Variants in FBXO4 observed in about 807,000 individuals in gnomAD.
FBXO4 encodes F-box protein 4.
FBXO4 carries 36 observed loss-of-function variants against 43.7 expected under a neutral mutation model. That is an observed-to-expected ratio of 0.82 (90% CI 0.63 to 1.09). FBXO4 has a LOEUF of 1.09. Ranked by LOEUF, FBXO4 falls within the 50% of genes least tolerant of loss-of-function variation. The pLI is 0.00. For missense variants in FBXO4, 435 were observed against 474.1 expected, an observed-to-expected ratio of 0.92 and a Z score of 0.77; for synonymous variants, 180 against 165.6, an observed-to-expected ratio of 1.09 and a Z score of -0.67.
At chr5:42,005,387 T>C in the FBXO4 span, among the ~76,000 whole-genome samples, 2 of 152,210 alleles carry the variant, frequency 1.3e-5, no homozygotes, top group African/African-American at 4.8e-5. Flanking sequence ...CCAACTTGGC[T>C]TATCTTGAAA....
rs1489030004 is a variant in FBXO4, at chr5:41,939,335, G to C, written c.899-106G>C. 6 of 1,000,172 alleles carry C rather than the reference G, an allele frequency of 6.0e-6. No individual in the cohort carries two copies. The Admixed American group carries it at 7.2e-5, about 12-fold the overall frequency. 62.0% of individuals were successfully genotyped at this position (1,000,172 alleles called of 1,614,324 possible). On this transcript the variant is annotated intron_variant, in intron 5 of 6. Coordinates refer to ENST00000281623, the MANE Select transcript of FBXO4 (RefSeq NM_012176.3). The stretch of plus-strand genomic sequence containing the variant: ...GATTTTTTTCCCTCAGTTTATGTTT[G>C]GATCCTGGTAAATTTTTGTTCCCTC...
chr5:41,986,654 T>C, the FBXO4 span, among the ~76,000 whole-genome samples: 4 of 152,264 alleles, frequency 2.6e-5, no homozygotes, highest in Admixed American at 2.0e-4. Flanking sequence ...ATGTGAACTT[T>C]TGAACTTTGT....
the FBXO4 span, among the ~76,000 whole-genome samples, chr5:41,949,650 T>C: frequency 3.9e-5 from 6 of 152,220 alleles, no homozygotes; most frequent in African/African-American, 1.4e-4. Context: ...CAAGGTATTT[T>C]ACAGATTCAA....
the FBXO4 span, among the ~76,000 whole-genome samples, chr5:41,964,451 C>A: frequency 6.6e-6 from 1 of 151,658 alleles, no homozygotes; most frequent in Non-Finnish European, 1.5e-5. Context: ...TGATTAAAAT[C>A]AATATTAACT....
the FBXO4 span, among the ~76,000 whole-genome samples, chr5:41,957,313 G>A: frequency 6.6e-6 from 1 of 150,880 alleles, no homozygotes. Context: ...TTCTCTTTGT[G>A]TTTTAGTCTG....
At chr5:42,001,428 C>T in the FBXO4 span, among the ~76,000 whole-genome samples, 29 of 152,274 alleles carry the variant, frequency 1.9e-4, no homozygotes, top group Admixed American at 5.9e-4. Flanking sequence ...GACGGGGTTT[C>T]GCCATGTTGG....
chr5:41,962,170 A>C, the FBXO4 span, among the ~76,000 whole-genome samples: 1 of 152,204 alleles, frequency 6.6e-6, no homozygotes, highest in East Asian at 1.9e-4. Flanking sequence ...TGATATATGC[A>C]TATGAAAGTT....
the FBXO4 span, among the ~76,000 whole-genome samples, chr5:42,024,121 C>T: frequency 2.0e-5 from 3 of 152,024 alleles, no homozygotes; most frequent in Admixed American, 6.6e-5. Context: ...CACTAATAGC[C>T]TTCACAGCCT....
the FBXO4 span, among the ~76,000 whole-genome samples, chr5:41,977,029 C>T: frequency 6.6e-6 from 1 of 152,274 alleles, no homozygotes; most frequent in South Asian, 2.1e-4. Context: ...CAAGCTGTAC[C>T]TGGGTCCTGT....
chr5:41,941,323 A>AT lies in FBXO4; in HGVS notation c.*44dup. The AT allele has an allele frequency of 6.5e-7, 1 of 1,547,594 alleles. No homozygotes were observed. The highest frequency in any genetic ancestry group is 1.1e-5 in the South Asian group (1 of 89,562). On this transcript the variant is annotated 3_prime_UTR_variant, in exon 7 of 7. Transcript: ENST00000281623. ...TGGGAACTGAAACCATTTGAAATTT[A>AT]TTACTAAGGTCGTGATGTGAATATT...
At chr5:41,967,973 C>G in the FBXO4 span, 1 of 483,340 alleles carries the variant, frequency 2.1e-6, no homozygotes, top group Non-Finnish European at 4.3e-6. Context: ...CTGACCAGAG[C>G]CACGCTCAGG....
chr5:41,935,216 A>G (rs1207359714), intron 5 of FBXO4: 1 of 856,656 alleles, frequency 1.2e-6, no homozygotes, highest in Non-Finnish European at 1.4e-6. Flanking sequence ...AAACAAGCAC[A>G]CAAAAAATAA....
At chr5:41,974,664 T>C in the FBXO4 span, among the ~76,000 whole-genome samples, 9 of 152,218 alleles carry the variant, frequency 5.9e-5, no homozygotes, top group Non-Finnish European at 1.2e-4. Flanking sequence ...ATCCTGCATG[T>C]TGTTCACCTT....
At chr5:42,033,890 T>C in the FBXO4 span, among the ~76,000 whole-genome samples, 1 of 152,216 alleles carries the variant, frequency 6.6e-6, no homozygotes, top group African/African-American at 2.4e-5. Flanking sequence ...ATGGGATTGC[T>C]GAGTAAAATG....
chr5:41,937,436 C>T (rs1751878407), intron 5 of FBXO4, among the ~76,000 whole-genome samples: 1 of 152,040 alleles, frequency 6.6e-6, no homozygotes, highest in African/African-American at 2.4e-5. Context: ...AAAATAAAGG[C>T]AATGTTAAGA....
chr5:42,020,602 G>A, the FBXO4 span, among the ~76,000 whole-genome samples: 4 of 152,180 alleles, frequency 2.6e-5, no homozygotes, highest in Non-Finnish European at 4.4e-5. Context: ...AATAACGCCA[G>A]CAAGGAACGA....
intron 3 of FBXO4, among the ~76,000 whole-genome samples, chr5:41,931,294 T>A (rs1010417838): frequency 6.6e-6 from 1 of 152,226 alleles, no homozygotes; most frequent in African/African-American, 2.4e-5. Flanking sequence ...AGTAAGGATA[T>A]AAAATTGACA....
In FBXO4 at chr5:41,939,515, T is replaced by G; in HGVS notation, c.973T>G (p.Leu325Val). ...DPAFGSSGRPLLVLSCISQGD... is the reference protein window; with the variant it reads ...DPAFGSSGRPVLVLSCISQGD... ...AGCCTTTGGGTCTTCGGGAAGACCA[T>G]TGTTGGTTTTATCTTGTATTTCTCA... is the stretch of plus-strand genomic sequence containing the variant. The change falls in exon 6 of 7, where the codon TTG (leucine) becomes GTG (valine). Residue 325 changes from leucine (L) to valine (V), a missense_variant. Coordinates refer to ENST00000281623, the MANE Select transcript of FBXO4 (RefSeq NM_012176.3). 1 of 1,613,490 alleles carries G rather than the reference T, an allele frequency of 6.2e-7. No individual in the cohort carries two copies. Among genetic ancestry groups the G allele is most frequent in the Non-Finnish European group, 8.5e-7 (1 of 1,179,502 alleles).
At chr5:41,930,715 TG>T (rs1751661704) in intron 3 of FBXO4, among the ~76,000 whole-genome samples, 2 of 151,314 alleles carry the variant, frequency 1.3e-5, no homozygotes, top group South Asian at 4.2e-4. Flanking sequence ...TTGCCCAGGC[TG>T]GAGTGCAGTG....
Sources: allele counts gnomAD v4.1 joint callset (sites outside exome capture counted in the v4.1 genomes callset), GRCh38; gene constraint gnomAD v4.1.1; transcripts MANE v1.5; gene names NCBI Gene and HGNC (gene_info 2026-07-23, HGNC 2026-07-21).